PHTF2: variants seen among roughly 807,000 people sequenced by gnomAD.
The protein encoded by PHTF2 is putative homeodomain transcription factor 2, also known as protein PHTF2.
PHTF2 carries 60 observed loss-of-function variants against 101.2 expected under a neutral mutation model. That is an observed-to-expected ratio of 0.59 (90% confidence interval 0.48 to 0.73). PHTF2 has a LOEUF of 0.73. Ranked by LOEUF, PHTF2 falls within the 30% of genes least tolerant of loss-of-function variation. The pLI, the probability that PHTF2 is intolerant of heterozygous loss-of-function variation, is 0.00. For synonymous variants in PHTF2, 311 were observed against 307.3 expected (o/e 1.01, Z -0.13); for missense variants, 747 against 908.7 (o/e 0.82, Z 2.29).
At chr7:77,901,854 C>A (rs534841738) in exon 7 of PHTF2, 25 of 1,601,314 alleles carry the variant, frequency 1.6e-5, no homozygotes, top group Non-Finnish European at 2.0e-5. Flanking sequence ...CTTTTTCTTC[C>A]GGTGGTGGTT....
At chr7:77,857,326 A>G (rs1797263947) in intron 3 of PHTF2, among the ~76,000 whole-genome samples, 1 of 152,186 alleles carries the variant, frequency 6.6e-6, no homozygotes, top group Non-Finnish European at 1.5e-5. Flanking sequence ...TAGGAAAAAG[A>G]GACAACCACA....
At chr7:77,806,894 T>C (rs1793036550) in intron 1 of PHTF2, among the ~76,000 whole-genome samples, 2 of 152,182 alleles carry the variant, frequency 1.3e-5, no homozygotes. Flanking sequence ...ATGAGAACCT[T>C]TTAACAGTAT....
chr7:77,899,266 A>T (rs1801159275), intron 5 of PHTF2, among the ~76,000 whole-genome samples: 1 of 152,110 alleles, frequency 6.6e-6, no homozygotes, highest in Admixed American at 6.5e-5. Context: ...AATAAAGGAC[A>T]CTGTTTACAG....
intron 1 of PHTF2, among the ~76,000 whole-genome samples, chr7:77,829,167 T>G (rs954329884): frequency 6.6e-5 from 10 of 152,228 alleles, no homozygotes; most frequent in African/African-American, 1.7e-4. Flanking sequence ...GGTGGCAGAG[T>G]GAGACCCTGT....
chr7:77,814,228 G>T (rs1444959032), intron 1 of PHTF2, among the ~76,000 whole-genome samples: 2 of 152,216 alleles, frequency 1.3e-5, no homozygotes, highest in African/African-American at 4.8e-5. Flanking sequence ...CAATAGTGAA[G>T]TGTTGCTCTT....
At chr7:77,854,758 C>G in exon 3 of PHTF2, 1 of 732,060 alleles carries the variant, frequency 1.4e-6, no homozygotes, top group Middle Eastern at 2.3e-4. Flanking sequence ...GCCACCACCG[C>G]CCCAGGCCCA....
intron 1 of PHTF2, among the ~76,000 whole-genome samples, chr7:77,813,458 A>C (rs1425406920): frequency 6.6e-6 from 1 of 152,208 alleles, no homozygotes; most frequent in African/African-American, 2.4e-5. Context: ...CTTTCAGTGG[A>C]GTATTGTGAG....
intron 13 of PHTF2, among the ~76,000 whole-genome samples, chr7:77,938,173 A>C (rs1805315560): frequency 6.6e-6 from 1 of 152,146 alleles, no homozygotes; most frequent in South Asian, 2.1e-4. Context: ...GATTGTTGTT[A>C]CAAGAACTTT....
chr7:77,940,782 G>A (rs1330445821), intron 15 of PHTF2, 123 bp downstream of exon 14: 5 of 626,114 alleles, frequency 8.0e-6, no homozygotes, highest in Non-Finnish European at 1.3e-5. Context: ...TCAAAAACTG[G>A]ATTAGGGATT....
chr7:77,910,728 A>G (rs13230627), intron 9 of PHTF2, among the ~76,000 whole-genome samples: 24,795 of 151,542 alleles, frequency 0.16, 2,324 homozygotes, highest in African/African-American at 0.25. Flanking sequence ...TGCATCCTCT[A>G]CCTTCTGGGT....
chr7:77,924,769 T>C (rs1803802986), intron 11 of PHTF2, among the ~76,000 whole-genome samples: 2 of 152,208 alleles, frequency 1.3e-5, no homozygotes, highest in Admixed American at 1.3e-4. Context: ...TCCAGTCTTC[T>C]GGTGGGATGG....
At chr7:77,875,694 A>T (rs944988942) in intron 3 of PHTF2, among the ~76,000 whole-genome samples, 4 of 151,998 alleles carry the variant, frequency 2.6e-5, no homozygotes, top group Non-Finnish European at 1.5e-5. Flanking sequence ...AGTAGCTGGG[A>T]CTACAGGCGC....
At chr7:77,856,806 ATGTTATATGCACATAT>A (rs1208095766) in intron 3 of PHTF2, among the ~76,000 whole-genome samples, 1 of 152,128 alleles carries the variant, frequency 6.6e-6, no homozygotes, top group Non-Finnish European at 1.5e-5. Flanking sequence ...GGATGTGCAT[ATGTTATATGCACATAT>A]TACACCATCT....
intron 1 of PHTF2, among the ~76,000 whole-genome samples, chr7:77,820,975 T>C (rs1794240674): frequency 1.3e-5 from 2 of 152,212 alleles, no homozygotes; most frequent in African/African-American, 4.8e-5. Flanking sequence ...TATCATCCTT[T>C]TACTTCCAAC....
chr7:77,930,420 A>G (rs943667477), intron 12 of PHTF2, among the ~76,000 whole-genome samples: 4 of 152,162 alleles, frequency 2.6e-5, no homozygotes, highest in Non-Finnish European at 5.9e-5. Context: ...ATTTTGGTGA[A>G]TGACATCTCC....
chr7:77,888,553 A>C (rs911555065), intron 3 of PHTF2, among the ~76,000 whole-genome samples: 4 of 152,240 alleles, frequency 2.6e-5, no homozygotes, highest in Non-Finnish European at 5.9e-5. Flanking sequence ...GGTATCAAAA[A>C]TTTCGAAGTC....
chr7:77,839,727 CT>C (rs1340342194), intron 1 of PHTF2, among the ~76,000 whole-genome samples: 1 of 151,992 alleles, frequency 6.6e-6, no homozygotes, highest in Non-Finnish European at 1.5e-5. Flanking sequence ...AACATAAATA[CT>C]TTTTGGCTCT....
intron 2 of PHTF2, among the ~76,000 whole-genome samples, chr7:77,845,039 A>G (rs1796169711): frequency 6.6e-6 from 1 of 152,190 alleles, no homozygotes; most frequent in African/African-American, 2.4e-5. Context: ...TTTAGTTAAT[A>G]ATGAGCTGTT....
chr7:77,904,894 C>T (rs1281214815), intron 7 of PHTF2, among the ~76,000 whole-genome samples: 2 of 152,182 alleles, frequency 1.3e-5, no homozygotes, highest in African/African-American at 2.4e-5. Flanking sequence ...GTAAACCAAG[C>T]TTGTCCAACC....
Sources: gnomAD v4.1 joint callset for allele counts (sites outside exome capture counted in the v4.1 genomes callset) on GRCh38, gnomAD v4.1.1 for gene constraint, MANE v1.5 for transcripts, NCBI Gene and HGNC (gene_info 2026-07-23, HGNC 2026-07-21) for gene names.